CEACAM19: variants seen among roughly 807,000 people sequenced by gnomAD.
CEACAM19 encodes cell adhesion molecule CEACAM19.
CEACAM19 carries 37 observed loss-of-function variants against 37.6 expected under a neutral mutation model. The ratio of observed to expected loss-of-function variants is 0.98; its 90% confidence interval spans 0.76 to 1.29. CEACAM19 has a LOEUF of 1.29. Among genes scored for constraint, CEACAM19 ranks in the 50% most tolerant of loss-of-function variants. CEACAM19 has a pLI of 0.00. For synonymous variants in CEACAM19, 140 were observed against 149.8 expected, an observed-to-expected ratio of 0.93 and a Z score of 0.48; for missense variants, 340 against 375.6, an observed-to-expected ratio of 0.91 and a Z score of 0.78.
chr19:44,671,323 T>G, upstream of CEACAM19: 1 of 198,594 alleles, frequency 5.0e-6, no homozygotes, highest in Non-Finnish European at 1.0e-5. Flanking sequence ...GGTTTCACCA[T>G]GTTGGCCAGG....
At chr19:44,676,239 C>T in intron 2 of CEACAM19, 32 bp from the exon 3 acceptor site, 2 of 1,609,596 alleles carry the variant, frequency 1.2e-6, no homozygotes, top group Non-Finnish European at 1.7e-6. Context: ...TCGCACAGTC[C>T]CCCCTCTCTC....
intron 4 of CEACAM19, 64 bp from the exon 5 acceptor site, chr19:44,680,224 A>G (rs1170432919): frequency 2.9e-6 from 4 of 1,377,030 alleles, no homozygotes; most frequent in Non-Finnish European, 4.1e-6. Flanking sequence ...GCTTCTCTTA[A>G]GTCTCTCTCC....
At chr19:44,668,571 A>ATG (rs1973795904), upstream of CEACAM19, among the ~76,000 whole-genome samples, 1 of 85,108 alleles carries the variant, frequency 1.2e-5, no homozygotes. Flanking sequence ...CATATTATAT[A>ATG]TGTATATAAT....
chr19:44,670,896 G>A (rs1163093341), upstream of CEACAM19, among the ~76,000 whole-genome samples: 1 of 149,072 alleles, frequency 6.7e-6, no homozygotes, highest in African/African-American at 2.4e-5. Flanking sequence ...AGGAGTTCAA[G>A]ACCAGCCTGA....
At chr19:44,681,377 C>A in intron 6 of CEACAM19, 65 bp downstream of exon 6, 1 of 1,039,598 alleles carries the variant, frequency 9.6e-7, no homozygotes, top group Non-Finnish European at 1.5e-6. Flanking sequence ...TCTGAGCTGG[C>A]TGTGGTCCTC....
In CEACAM19 at chr19:44,675,518, G is replaced by A. The variant is rs113367347; in HGVS notation, c.425-753G>A. Among the ~76,000 whole-genome samples, 1,107 of 152,136 alleles carry A rather than the reference G, an allele frequency of 7.3e-3. 13 individuals carry two copies. Among genetic ancestry groups the A allele is most frequent in the African/African-American group, 0.024 (1,014 of 41,520 alleles). The stretch of plus-strand genomic sequence containing the variant: ...AAAGCAGATTGGGTCTGGGCTCGGT[G>A]GCCACGTCTGTAATCCCAACACTTT... On this transcript the variant is annotated intron_variant, in intron 2 of 7. Transcript: ENST00000358777.
At chr19:44,666,627 G>T (rs1973719608), upstream of CEACAM19, among the ~76,000 whole-genome samples, 2 of 152,154 alleles carry the variant, frequency 1.3e-5, no homozygotes, top group Admixed American at 6.5e-5. Flanking sequence ...CTGAGATCGT[G>T]CCACTGCACT....
intron 5 of CEACAM19, 106 bp downstream of exon 5, chr19:44,680,440 A>G (rs1974035965): frequency 1.9e-6 from 2 of 1,040,130 alleles, no homozygotes; most frequent in Non-Finnish European, 1.5e-6. Context: ...AGACCTCCCA[A>G]TGCACCTGCC....
intron 2 of CEACAM19, among the ~76,000 whole-genome samples, chr19:44,673,176 C>A (rs908955859): frequency 1.3e-5 from 2 of 152,238 alleles, no homozygotes; most frequent in African/African-American, 4.8e-5. Flanking sequence ...CCGCCTTGTG[C>A]CTGACACTGG....
At chr19:44,682,929 C>T in intron 7 of CEACAM19, 1 of 358,058 alleles carries the variant, frequency 2.8e-6, no homozygotes, top group South Asian at 3.8e-5. Flanking sequence ...GTCAGGTCCC[C>T]AGTGAAACCC....
In CEACAM19 at chr19:44,682,664, TC is replaced by T. The variant is rs747550993; in HGVS notation, c.846+46del. 4 of 1,555,518 alleles carry T rather than the reference TC, an allele frequency of 2.6e-6. No homozygotes were observed. In the South Asian group the frequency reaches 4.7e-5, roughly 18 times the overall value. On this transcript the variant is annotated intron_variant, in intron 7 of 7. Coordinates refer to ENST00000358777, the MANE Select transcript of CEACAM19 (RefSeq NM_001127893.3). ...GGAGGGGTGGTGGGGATCCCACGGA[TC>T]CAGGAGCCCCGAAGCCGGGGTGGGG...
intron 6 of CEACAM19, among the ~76,000 whole-genome samples, chr19:44,681,995 A>T (rs894138429): frequency 1.3e-5 from 2 of 149,742 alleles, no homozygotes. Context: ...ATGGCTCTAC[A>T]CCTGTAAATC....
Position 44,683,883 on chromosome 19 carries a change from C to G in CEACAM19, c.*393C>G, listed in dbSNP as rs1006639429. 2.2e-5 allele frequency: 4 copies of G among 183,362 alleles called. 1 individual carries two copies. Among genetic ancestry groups the G allele is most frequent in the Admixed American group, 1.2e-4 (2 of 16,078 alleles). The allele number at this position is 183,362 out of a possible 1,614,324, so 11.4% of individuals were successfully genotyped here. ...CTCCCAACTGTCTGTCCTCAATGCC[C>G]TACCCCAACTCCACTAGTGACCCTC... On this transcript the variant is annotated 3_prime_UTR_variant, in exon 8 of 8. Coordinates refer to ENST00000358777, the MANE Select transcript of CEACAM19 (RefSeq NM_001127893.3).
intron 3 of CEACAM19, 87 bp from the exon 4 acceptor site, chr19:44,678,765 AT>A: frequency 1.3e-6 from 2 of 1,508,244 alleles, no homozygotes; most frequent in Admixed American, 1.9e-5. Flanking sequence ...CCCCCTCTCC[AT>A]TTTCCTTCAT....
chr19:44,669,030 G>A (rs1366352071), upstream of CEACAM19, among the ~76,000 whole-genome samples: 1 of 150,820 alleles, frequency 6.6e-6, no homozygotes, highest in Non-Finnish European at 1.5e-5. Context: ...ATGTTGCCCG[G>A]GCTGGTCTTG....
Position 44,683,542 on chromosome 19 carries a change from T to C in CEACAM19, c.*52T>C. The C allele has an allele frequency of 1.6e-6, 2 of 1,226,458 alleles. No individual in the cohort carries two copies. Among genetic ancestry groups the C allele is most frequent in the Admixed American group, 2.6e-5 (1 of 38,276 alleles). 76.0% of individuals were successfully genotyped at this position (1,226,458 alleles called of 1,614,324 possible). Reference sequence around the variant, plus strand: ...AGAAGACAAGGCCCCAGCCCTCCTCTGGGAGCCTCACACCTGAGACCAGCA... The same window carrying C: ...AGAAGACAAGGCCCCAGCCCTCCTCCGGGAGCCTCACACCTGAGACCAGCA... On this transcript the variant is annotated 3_prime_UTR_variant, in exon 8 of 8. Coordinates refer to ENST00000358777, the MANE Select transcript of CEACAM19 (RefSeq NM_001127893.3).
Position 44,671,826 on chromosome 19 carries a change from C to A in CEACAM19, c.-106C>A. On this transcript the variant is annotated 5_prime_UTR_variant, in exon 1 of 8. Coordinates refer to ENST00000358777, the MANE Select transcript of CEACAM19 (RefSeq NM_001127893.3). ...GCCCCAGCGGTGTCTCTAAGGCACC[C>A]CTGGGATCCCCACTGAGCTGGCCTA... 2 of 958,084 alleles carry A rather than the reference C, an allele frequency of 2.1e-6. No individual in the cohort carries two copies. Among genetic ancestry groups the A allele is most frequent in the Non-Finnish European group, 3.2e-6 (2 of 622,626 alleles). The allele number at this position is 958,084 out of a possible 1,614,324, so 59.3% of individuals were successfully genotyped here.
intron 3 of CEACAM19, 100 bp from the exon 4 acceptor site, chr19:44,678,753 T>C (rs1973998804): frequency 1.5e-6 from 2 of 1,292,514 alleles, no homozygotes; most frequent in African/African-American, 1.5e-5. Flanking sequence ...TTCCACCCCC[T>C]CCCCCCTCTC....
chr19:44,674,732 C>T (rs1306702105), intron 2 of CEACAM19, among the ~76,000 whole-genome samples: 2 of 152,114 alleles, frequency 1.3e-5, no homozygotes, highest in African/African-American at 4.8e-5. Flanking sequence ...GAGTTTTGGA[C>T]AGTGAATAGA....
Sources: gnomAD v4.1 joint callset for allele counts (sites outside exome capture counted in the v4.1 genomes callset) on GRCh38, gnomAD v4.1.1 for gene constraint, MANE v1.5 for transcripts, NCBI Gene and HGNC (gene_info 2026-07-23, HGNC 2026-07-21) for gene names.